The following CTNND2 variants were observed in gnomAD, a reference collection of about 807,000 sequenced individuals.
CTNND2 encodes catenin delta 2.
CTNND2 carries 22 observed loss-of-function variants against 144.4 expected under a neutral mutation model. The ratio of observed to expected loss-of-function variants is 0.15; its 90% CI spans 0.11 to 0.22. The LOEUF (loss-of-function observed/expected upper bound fraction) is 0.22, where lower values mean the gene tolerates loss of function less well. Among genes scored for constraint, CTNND2 ranks in the 10% least tolerant of loss-of-function variants. CTNND2 has a pLI of 1.00. For synonymous variants in CTNND2, 751 were observed against 695.6 expected, an observed-to-expected ratio of 1.08 and a Z score of -1.25; for missense variants, 1,353 against 1,618.8, an observed-to-expected ratio of 0.84 and a Z score of 2.82.
At chr5:11,495,368 T>C (rs1205952800) in intron 3 of CTNND2, among the ~76,000 whole-genome samples, 4 of 151,384 alleles carry the variant, frequency 2.6e-5, no homozygotes, top group African/African-American at 9.7e-5. Flanking sequence ...GTATTTCTTC[T>C]ATCCCCTTTA....
chr5:11,135,636 CTA>C (rs1448889450), intron 12 of CTNND2, among the ~76,000 whole-genome samples: 2 of 152,196 alleles, frequency 1.3e-5, no homozygotes, highest in East Asian at 1.9e-4. Context: ...TTTTTACAGA[CTA>C]TGCTGAAAAT....
intron 1 of CTNND2, among the ~76,000 whole-genome samples, chr5:11,878,392 G>A (rs184237116): frequency 1.3e-5 from 2 of 152,234 alleles, no homozygotes; most frequent in African/African-American, 4.8e-5. Context: ...AAGAGACAAG[G>A]TCAGGCCCAA....
chr5:11,076,580 T>G (rs563201038), intron 16 of CTNND2, among the ~76,000 whole-genome samples: 1 of 152,342 alleles, frequency 6.6e-6, no homozygotes, highest in South Asian at 2.1e-4. Context: ...GCTACTATTC[T>G]ATGCCAGTAG....
chr5:11,066,148 T>C (rs933830012), intron 16 of CTNND2, among the ~76,000 whole-genome samples: 16 of 152,084 alleles, frequency 1.1e-4, no homozygotes, highest in Middle Eastern at 3.4e-3. Context: ...TAAGAGATTC[T>C]CCTGCCTCAG....
chr5:11,807,870 C>T (rs1262217433), intron 1 of CTNND2, among the ~76,000 whole-genome samples: 1 of 152,140 alleles, frequency 6.6e-6, no homozygotes, highest in Non-Finnish European at 1.5e-5. Flanking sequence ...TATAAATTAA[C>T]TTATATTATT....
chr5:11,322,367 A>G (rs1298161023), intron 9 of CTNND2, among the ~76,000 whole-genome samples: 1 of 152,206 alleles, frequency 6.6e-6, no homozygotes, highest in Non-Finnish European at 1.5e-5. Context: ...TTTTAATGTT[A>G]CCACAGTGCT....
chr5:11,722,576 G>A (rs1006722838), intron 2 of CTNND2, among the ~76,000 whole-genome samples: 1 of 152,188 alleles, frequency 6.6e-6, no homozygotes, highest in Admixed American at 6.5e-5. Flanking sequence ...CACAGGGCCT[G>A]GGAGGCCTCA....
chr5:11,225,612 C>T (rs957855054), intron 10 of CTNND2, among the ~76,000 whole-genome samples: 2 of 152,176 alleles, frequency 1.3e-5, no homozygotes, highest in African/African-American at 4.8e-5. Context: ...AAAAAGCACT[C>T]CCAGCTCCTT....
At chr5:11,859,122 A>G (rs1795385016) in intron 1 of CTNND2, among the ~76,000 whole-genome samples, 1 of 152,188 alleles carries the variant, frequency 6.6e-6, no homozygotes, top group African/African-American at 2.4e-5. Context: ...CACACACTGA[A>G]CCACTGCAAG....
At chr5:11,713,040 G>C (rs1419208566) in intron 2 of CTNND2, among the ~76,000 whole-genome samples, 1 of 152,134 alleles carries the variant, frequency 6.6e-6, no homozygotes, top group East Asian at 1.9e-4. Context: ...CTGCAAAATG[G>C]GGAGAAGGAG....
chr5:11,635,634 T>C (rs1400365467), intron 2 of CTNND2, among the ~76,000 whole-genome samples: 2 of 152,220 alleles, frequency 1.3e-5, no homozygotes, highest in African/African-American at 2.4e-5. Context: ...GTTTTATTCC[T>C]AACATTCTAA....
chr5:11,193,003 A>C (rs2149816992), intron 11 of CTNND2, among the ~76,000 whole-genome samples: 1 of 152,258 alleles, frequency 6.6e-6, no homozygotes, highest in Admixed American at 6.5e-5. Context: ...CATTGTTCAC[A>C]CCTTTGAACA....
At chr5:11,424,212 G>A (rs1043947616) in intron 3 of CTNND2, among the ~76,000 whole-genome samples, 5 of 152,168 alleles carry the variant, frequency 3.3e-5, no homozygotes, top group Non-Finnish European at 7.3e-5. Context: ...AAGTGTATGT[G>A]AAACATGCAA....
intron 16 of CTNND2, among the ~76,000 whole-genome samples, chr5:11,057,709 A>T (rs1331274938): frequency 6.6e-6 from 1 of 152,242 alleles, no homozygotes; most frequent in Non-Finnish European, 1.5e-5. Flanking sequence ...TAACAAGTAG[A>T]GGTTGGAACA....
At chr5:11,590,822 T>A (rs1237069835) in intron 2 of CTNND2, among the ~76,000 whole-genome samples, 1 of 152,180 alleles carries the variant, frequency 6.6e-6, no homozygotes, top group Non-Finnish European at 1.5e-5. Flanking sequence ...CTAATGATAA[T>A]CCCACCACCC....
intron 11 of CTNND2, among the ~76,000 whole-genome samples, chr5:11,167,018 A>G (rs1759405939): frequency 1.3e-5 from 2 of 152,226 alleles, no homozygotes; most frequent in South Asian, 2.1e-4. Context: ...GTTGGCCACA[A>G]CAAATGACCT....
intron 3 of CTNND2, among the ~76,000 whole-genome samples, chr5:11,486,987 T>C (rs1768892245): frequency 6.6e-6 from 1 of 152,196 alleles, no homozygotes; most frequent in Non-Finnish European, 1.5e-5. Flanking sequence ...AAAATGTCTA[T>C]TTTAATGTCT....
intron 2 of CTNND2, among the ~76,000 whole-genome samples, chr5:11,658,463 A>G (rs534171909): frequency 1.5e-3 from 224 of 152,308 alleles, no homozygotes; most frequent in Non-Finnish European, 2.8e-3. Flanking sequence ...TCTCCAGCAG[A>G]TCAGATGCAG....
chr5:11,876,944 G>C (rs986298713), intron 1 of CTNND2, among the ~76,000 whole-genome samples: 4 of 152,120 alleles, frequency 2.6e-5, no homozygotes, highest in Non-Finnish European at 5.9e-5. Context: ...AGAGTCCCTT[G>C]AAATTTGTAA....
Sources: gnomAD v4.1 joint callset for allele counts (sites outside exome capture counted in the v4.1 genomes callset) on GRCh38, gnomAD v4.1.1 for gene constraint, MANE v1.5 for transcripts, NCBI Gene and HGNC (gene_info 2026-07-23, HGNC 2026-07-21) for gene names.